PPIP5K2: variants seen among roughly 807,000 people sequenced by gnomAD.
PPIP5K2 encodes the protein diphosphoinositol pentakisphosphate kinase 2, also known as inositol hexakisphosphate and diphosphoinositol-pentakisphosphate kinase 2.
A neutral mutation model predicts 154.6 loss-of-function variants in PPIP5K2; 105 were observed. That is an observed-to-expected ratio of 0.68 (90% CI 0.58 to 0.80). PPIP5K2 has a LOEUF of 0.80. Among genes scored for constraint, PPIP5K2 ranks in the 30% least tolerant of loss-of-function variants. The pLI is 0.00. For missense variants in PPIP5K2, 992 were observed against 1,504.6 expected, an observed-to-expected ratio of 0.66 and a Z score of 5.64; for synonymous variants, 480 against 490.3, an observed-to-expected ratio of 0.98 and a Z score of 0.28.
At chr5:103,180,209 A>G (rs1554222250) in intron 24 of PPIP5K2, 21 bp downstream of exon 24, 2 of 1,528,218 alleles carry the variant, frequency 1.3e-6, no homozygotes, top group Middle Eastern at 1.8e-4. Context: ...GTATCAGAAC[A>G]CATTTTTCAT....
intron 17 of PPIP5K2, among the ~76,000 whole-genome samples, chr5:103,160,201 C>G (rs1012905679): frequency 2.0e-5 from 3 of 152,126 alleles, no homozygotes; most frequent in African/African-American, 7.2e-5. Context: ...CAGATCTTAT[C>G]TATTGTGAAC....
intron 29 of PPIP5K2, among the ~76,000 whole-genome samples, chr5:103,192,916 G>T (rs1385200880): frequency 6.6e-6 from 1 of 152,090 alleles, no homozygotes; most frequent in African/African-American, 2.4e-5. Context: ...CATAGAATTG[G>T]ATAAACCTTA....
At chr5:103,122,833 C>T (rs1396778304) in intron 1 of PPIP5K2, among the ~76,000 whole-genome samples, 1 of 152,144 alleles carries the variant, frequency 6.6e-6, no homozygotes, top group Non-Finnish European at 1.5e-5. Context: ...ATATTAAGTT[C>T]AGGTAAGGGG....
intron 17 of PPIP5K2, among the ~76,000 whole-genome samples, chr5:103,165,628 G>GA (rs1284215395): frequency 1.3e-5 from 2 of 151,904 alleles, no homozygotes; most frequent in African/African-American, 4.8e-5. Flanking sequence ...AAGCTTAAGT[G>GA]AAAAAAATGG....
intron 11 of PPIP5K2, among the ~76,000 whole-genome samples, 175 bp downstream of exon 11, chr5:103,154,109 A>G (rs528737497): frequency 6.6e-6 from 1 of 152,078 alleles, no homozygotes; most frequent in South Asian, 2.1e-4. Flanking sequence ...GTTCATTAGC[A>G]TCTAAAATTA....
In PPIP5K2 at chr5:103,153,928, A is replaced by G; in HGVS notation, c.1211A>G (p.His404Arg). The change falls in exon 11 of 31, where the codon CAT becomes CGT. Residue 404 changes from histidine to arginine, a missense_variant. His to Arg is a conservative substitution (Grantham distance 29). This residue lies in a region of PPIP5K2 where 163 missense variants were observed against 285.2 expected (regional missense o/e 0.57). Transcript: ENST00000358359. ...PKQKMKMEVR[H>R]QKFFDLFEKC... is the part of the protein sequence containing the mutation. ...CAAAAAATGAAAATGGAAGTGAGAC[A>G]TCAGAAGTATGTTTTCAGATGAATA... 6.3e-7 allele frequency: 1 copy of G among 1,597,248 alleles called. No individual in the cohort carries two copies. The highest frequency in any genetic ancestry group is 8.6e-7 in the Non-Finnish European group (1 of 1,168,506).
At chr5:103,134,435 A>G (rs981248589) in intron 3 of PPIP5K2, among the ~76,000 whole-genome samples, 7 of 152,120 alleles carry the variant, frequency 4.6e-5, no homozygotes, top group South Asian at 4.1e-4. Flanking sequence ...TTGTTACCAA[A>G]ATATGTTCTC....
At chr5:103,148,506 C>G (rs1288367334) in intron 7 of PPIP5K2, among the ~76,000 whole-genome samples, 1 of 152,086 alleles carries the variant, frequency 6.6e-6, no homozygotes, top group Non-Finnish European at 1.5e-5. Context: ...CAGCCATTCT[C>G]TCTCTAACCA....
intron 5 of PPIP5K2, among the ~76,000 whole-genome samples, chr5:103,146,001 T>C (rs914448757): frequency 1.8e-4 from 27 of 152,176 alleles, no homozygotes; most frequent in Non-Finnish European, 1.6e-4. Flanking sequence ...CAAAAATATA[T>C]ACAACTACTA....
Position 103,190,894 on chromosome 5 carries a change from T to A in PPIP5K2, c.3405T>A (p.His1135Gln). ...VPSICPLETL[H>Q]NALSLKQVDE... Reference sequence around the variant, plus strand: ...CTATTTGTCCTCTAGAAACTCTTCATAATGCCCTATCTTTAAAGCAAGTGG... The same window carrying A: ...CTATTTGTCCTCTAGAAACTCTTCAAAATGCCCTATCTTTAAAGCAAGTGG... The change falls in exon 29 of 31, where the codon CAT becomes CAA. Residue 1135 changes from histidine to glutamine, a missense_variant. His to Gln is a conservative substitution (Grantham distance 24, BLOSUM62 0). Coordinates refer to ENST00000358359, the MANE Select transcript of PPIP5K2 (RefSeq NM_001276277.3). The A allele has an allele frequency of 6.2e-7, 1 of 1,610,574 alleles. No individual in the cohort carries two copies. Among genetic ancestry groups the A allele is most frequent in the Non-Finnish European group, 8.5e-7 (1 of 1,178,000 alleles).
In PPIP5K2 at chr5:103,201,739, G is replaced by A. The variant is rs115606785; in HGVS notation, c.*105G>A. Reference sequence around the variant, plus strand: ...ACTTAAAAATGTTTTTAAATCTAAGGTTTTCTTTGTTTATGTTCAGGTAAG... The same window carrying A: ...ACTTAAAAATGTTTTTAAATCTAAGATTTTCTTTGTTTATGTTCAGGTAAG... On this transcript the variant is annotated 3_prime_UTR_variant, in exon 31 of 31. Transcript: ENST00000358359. The A allele has an allele frequency of 9.4e-4, 774 of 820,104 alleles. 3 individuals carry two copies. In the African/African-American group the frequency reaches 0.013, roughly 13 times the overall value. The allele number at this position is 820,104 out of a possible 1,614,324, so 50.8% of individuals were successfully genotyped here. A position where few individuals can be genotyped will look rare whatever the true frequency, so the allele number is the denominator to read the frequency against.
chr5:103,154,589 A>T (rs1554212419), intron 11 of PPIP5K2, 81 bp from the exon 12 acceptor site: 1 of 845,026 alleles, frequency 1.2e-6, no homozygotes, highest in Non-Finnish European at 1.8e-6. Flanking sequence ...ATAGCTTATC[A>T]TTTATTATTT....
intron 1 of PPIP5K2, among the ~76,000 whole-genome samples, chr5:103,127,005 T>TCTGCCA (rs1789803486): frequency 6.6e-6 from 1 of 152,194 alleles, no homozygotes; most frequent in African/African-American, 2.4e-5. Flanking sequence ...AACCATTAGT[T>TCTGCCA]CTGCCATTGT....
intron 17 of PPIP5K2, among the ~76,000 whole-genome samples, chr5:103,165,921 T>G (rs1797058227): frequency 6.6e-6 from 1 of 152,106 alleles, no homozygotes; most frequent in Non-Finnish European, 1.5e-5. Flanking sequence ...TTGAGCAAAC[T>G]TTCTGCTTAG....
intron 30 of PPIP5K2, among the ~76,000 whole-genome samples, chr5:103,198,247 CTG>C (rs1294399646): frequency 1.3e-5 from 2 of 151,732 alleles, no homozygotes; most frequent in Non-Finnish European, 2.9e-5. Context: ...AAAACATACA[CTG>C]TGTGATTTCA....
intron 17 of PPIP5K2, among the ~76,000 whole-genome samples, chr5:103,160,674 T>A (rs1285980977): frequency 1.3e-5 from 2 of 152,232 alleles, no homozygotes; most frequent in African/African-American, 4.8e-5. Flanking sequence ...TCTTAGCTCA[T>A]GGCCTGTGTA....
rs1404488887 is a variant in PPIP5K2 at position 103,202,480 on chromosome 5, A to G, written c.*846A>G. ...AGAAGTCAGTTCAAAAATGGAAATC[A>G]ACAATGTTAGGAGAAATCTGAATTC... is the stretch of plus-strand genomic sequence containing the variant. On this transcript the variant is annotated 3_prime_UTR_variant, in exon 31 of 31. Coordinates refer to ENST00000358359, the MANE Select transcript of PPIP5K2 (RefSeq NM_001276277.3). 6.6e-6 allele frequency: 1 copy of G among 152,204 alleles called. No individual in the cohort carries two copies. The highest frequency in any genetic ancestry group is 2.4e-5 in the African/African-American group (1 of 41,468). 9.4% of individuals were successfully genotyped at this position (152,204 alleles called of 1,614,324 possible). A position where few individuals can be genotyped will look rare whatever the true frequency, so the allele number is the denominator to read the frequency against.
At chr5:103,146,783 G>A in intron 6 of PPIP5K2, 102 bp downstream of exon 6, 1 of 983,582 alleles carries the variant, frequency 1.0e-6, no homozygotes, top group East Asian at 2.8e-5. Flanking sequence ...TTGAACTCTT[G>A]AAAATGTATC....
intron 19 of PPIP5K2, among the ~76,000 whole-genome samples, chr5:103,172,841 C>T (rs1232050222): frequency 2.0e-5 from 3 of 151,588 alleles, no homozygotes; most frequent in African/African-American, 7.3e-5. Context: ...ATCCACCTTT[C>T]TTTTAGGGTT....
Sources: gnomAD v4.1 joint callset for allele counts (sites outside exome capture counted in the v4.1 genomes callset) on GRCh38, gnomAD v4.1.1 for gene constraint, gnomAD v4.1.1 regional missense constraint, MANE v1.5 for transcripts, NCBI Gene and HGNC (gene_info 2026-07-23, HGNC 2026-07-21) for gene names.